Variants in ARB2A observed in about 807,000 individuals in gnomAD.
The protein encoded by ARB2A is ARB2 cotranscriptional regulator A.
At chr5:94,050,326 C>T in the ARB2A span, among the ~76,000 whole-genome samples, 5 of 150,298 alleles carry the variant, frequency 3.3e-5, no homozygotes, top group South Asian at 1.1e-3. Context: ...GCCACCTCAG[C>T]TCACTGCAAC....
At chr5:93,939,948 T>C in the ARB2A span, among the ~76,000 whole-genome samples, 1 of 151,772 alleles carries the variant, frequency 6.6e-6, no homozygotes, top group African/African-American at 2.4e-5. Flanking sequence ...GCCTTGAAAC[T>C]GTATCCGTTT....
the ARB2A span, among the ~76,000 whole-genome samples, chr5:94,103,093 A>G: frequency 1.7e-4 from 26 of 152,174 alleles, 1 homozygote; most frequent in African/African-American, 5.3e-4. Context: ...GACCATTGAC[A>G]CCATAAAGCA....
chr5:94,000,189 C>A, the ARB2A span, among the ~76,000 whole-genome samples: 1 of 152,032 alleles, frequency 6.6e-6, no homozygotes, highest in African/African-American at 2.4e-5. Context: ...CCAAAAAGTG[C>A]GATTGCTAGA....
chr5:93,683,796 G>T, the ARB2A span: 15 of 1,259,646 alleles, frequency 1.2e-5, no homozygotes, highest in Non-Finnish European at 1.7e-5. Context: ...AGCCGCGCAG[G>T]ACGGAATCAC....
chr5:94,088,482 A>G, the ARB2A span, among the ~76,000 whole-genome samples: 1 of 152,246 alleles, frequency 6.6e-6, no homozygotes, highest in Admixed American at 6.5e-5. Flanking sequence ...GGAGTTCAAG[A>G]CCAGCCCTGG....
the ARB2A span, among the ~76,000 whole-genome samples, chr5:93,872,580 G>A: frequency 6.6e-6 from 1 of 152,136 alleles, no homozygotes; most frequent in Non-Finnish European, 1.5e-5. Flanking sequence ...CTTCATTATT[G>A]GCTTGTTTTA....
the ARB2A span, among the ~76,000 whole-genome samples, chr5:93,971,172 G>A: frequency 6.6e-6 from 1 of 151,678 alleles, no homozygotes; most frequent in Non-Finnish European, 1.5e-5. Flanking sequence ...CTAATCTTTT[G>A]TACTTTTAGT....
chr5:93,656,615 CTG>C, the ARB2A span, among the ~76,000 whole-genome samples: 1 of 152,120 alleles, frequency 6.6e-6, no homozygotes, highest in Non-Finnish European at 1.5e-5. Context: ...AAATAAGACA[CTG>C]TTCATTATTT....
At chr5:93,867,916 TA>T in the ARB2A span, among the ~76,000 whole-genome samples, 25 of 152,138 alleles carry the variant, frequency 1.6e-4, no homozygotes, top group Non-Finnish European at 2.1e-4. Context: ...AGAATAAAAT[TA>T]ATATTACATA....
chr5:93,709,277 T>C, the ARB2A span, among the ~76,000 whole-genome samples: 1 of 152,116 alleles, frequency 6.6e-6, no homozygotes, highest in Non-Finnish European at 1.5e-5. Flanking sequence ...CCATGGTTGG[T>C]AGATACTAAA....
the ARB2A span, among the ~76,000 whole-genome samples, chr5:93,864,631 T>C: frequency 6.6e-6 from 1 of 152,240 alleles, no homozygotes; most frequent in Admixed American, 6.5e-5. Context: ...AAAATTGAGG[T>C]TCTCATTGCA....
At chr5:93,631,408 C>G in the ARB2A span, among the ~76,000 whole-genome samples, 1 of 152,216 alleles carries the variant, frequency 6.6e-6, no homozygotes, top group Non-Finnish European at 1.5e-5. Context: ...GCCACAAGGT[C>G]TTGCCTCCAG....
chr5:93,621,174 C>T, the ARB2A span: 4 of 1,544,802 alleles, frequency 2.6e-6, no homozygotes, highest in East Asian at 2.6e-5. Flanking sequence ...CACGCGGGGC[C>T]AGGCGCGGTG....
At chr5:93,627,277 A>G in the ARB2A span, among the ~76,000 whole-genome samples, 1 of 151,990 alleles carries the variant, frequency 6.6e-6, no homozygotes, top group Admixed American at 6.6e-5. Flanking sequence ...ACTTCTTCCA[A>G]ACTCTTGTTC....
At chr5:93,810,455 T>C in the ARB2A span, among the ~76,000 whole-genome samples, 2 of 152,068 alleles carry the variant, frequency 1.3e-5, no homozygotes, top group Non-Finnish European at 2.9e-5. Flanking sequence ...CAGGATAGAG[T>C]ACAGTGGTCC....
At chr5:93,699,423 CT>C in the ARB2A span, among the ~76,000 whole-genome samples, 1 of 152,106 alleles carries the variant, frequency 6.6e-6, no homozygotes, top group Non-Finnish European at 1.5e-5. Context: ...ATCCAATCAT[CT>C]TATTCGTACT....
At chr5:93,715,456 A>G in the ARB2A span, among the ~76,000 whole-genome samples, 2 of 152,174 alleles carry the variant, frequency 1.3e-5, no homozygotes, top group Admixed American at 1.3e-4. Flanking sequence ...GCAGCAGAGC[A>G]CCATAATTAA....
At chr5:93,948,739 T>C in the ARB2A span, among the ~76,000 whole-genome samples, 1 of 152,180 alleles carries the variant, frequency 6.6e-6, no homozygotes, top group Non-Finnish European at 1.5e-5. Flanking sequence ...GCTAGCCAGT[T>C]TTCCCAGCAC....
At chr5:93,963,279 A>C in the ARB2A span, among the ~76,000 whole-genome samples, 1 of 152,044 alleles carries the variant, frequency 6.6e-6, no homozygotes, top group Non-Finnish European at 1.5e-5. Context: ...TGGTATATTC[A>C]TTCCCAGAAA....
Sources: gnomAD v4.1 joint callset for allele counts (sites outside exome capture counted in the v4.1 genomes callset) on GRCh38, gnomAD v4.1.1 for gene constraint, MANE v1.5 for transcripts, NCBI Gene and HGNC (gene_info 2026-07-23, HGNC 2026-07-21) for gene names.